The following AKAP13 variants were observed in gnomAD, a reference collection of about 807,000 sequenced individuals.
The protein encoded by AKAP13 is A-kinase anchor protein 13.
A neutral mutation model predicts 264.5 loss-of-function variants in AKAP13; 80 were observed. The ratio of observed to expected loss-of-function variants is 0.30; its 90% CI spans 0.25 to 0.36. The LOEUF is 0.36. Among genes scored for constraint, AKAP13 ranks in the 10% least tolerant of loss-of-function variants. The pLI is 1.00. For missense variants in AKAP13, 3,712 were observed against 3,435.2 expected (o/e 1.08, Z -2.01); for synonymous variants, 1,380 against 1,250.2 (o/e 1.10, Z -2.19).
At chr15:85,450,321 A>G (rs2074039987) in intron 1 of AKAP13, among the ~76,000 whole-genome samples, 1 of 150,900 alleles carries the variant, frequency 6.6e-6, no homozygotes, top group Non-Finnish European at 1.5e-5. Flanking sequence ...CTTCTTAATT[A>G]GTTTAGCGAT....
chr15:85,563,290 C>G (rs367697135), intron 5 of AKAP13, among the ~76,000 whole-genome samples: 1 of 139,728 alleles, frequency 7.2e-6, no homozygotes, highest in Non-Finnish European at 1.5e-5. Flanking sequence ...TCCAGCCTGT[C>G]GGAATCAATA....
intron 3 of AKAP13, among the ~76,000 whole-genome samples, chr15:85,525,022 G>A (rs1191062187): frequency 2.0e-5 from 3 of 151,544 alleles, no homozygotes; most frequent in Admixed American, 1.3e-4. Flanking sequence ...GGGCAGGTAC[G>A]TGGAGACTTT....
chr15:85,696,487 T>A (rs2085573044), intron 17 of AKAP13, among the ~76,000 whole-genome samples: 1 of 152,208 alleles, frequency 6.6e-6, no homozygotes, highest in Non-Finnish European at 1.5e-5. Flanking sequence ...GGAGTCATTT[T>A]AAATAAGAGC....
intron 2 of AKAP13, among the ~76,000 whole-genome samples, chr15:85,508,775 AGACT>A (rs2030621517): frequency 1.3e-5 from 2 of 152,270 alleles, no homozygotes; most frequent in South Asian, 4.1e-4. Context: ...TTGCTCCTCC[AGACT>A]GACCTTTGCT....
At position 85,477,636 on chromosome 15, in the gene AKAP13, G is replaced by GAAAAAAAAAAAAA. The variant is rs1567077572; in HGVS notation, c.-11-8074_-11-8073insAAAAAAAAAAAAA. On this transcript the variant is annotated intron_variant, in intron 1 of 36. Transcript: ENST00000394518. ...GAAATTTGAACTGAGCTTAAAAAAAGGAAAAAAAAAAAAAAAAAAAAAGGC... is the reference window on the plus strand; with the variant it reads ...GAAATTTGAACTGAGCTTAAAAAAAGAAAAAAAAAAAAAGAAAAAAAAAAAAAAAAAAAAAGGC... Among the ~76,000 whole-genome samples the GAAAAAAAAAAAAA allele has an allele frequency of 8.7e-5, 3 of 34,308 alleles. 1 individual carries two copies. The allele number at this position is 34,308 out of a possible 152,430, so 22.5% of individuals were successfully genotyped here. A position where few individuals can be genotyped will look rare whatever the true frequency, so the allele number is the denominator to read the frequency against.
At chr15:85,533,995 A>G in intron 4 of AKAP13, 115 bp downstream of exon 4, 1 of 1,153,324 alleles carries the variant, frequency 8.7e-7, no homozygotes, top group Non-Finnish European at 1.2e-6. Context: ...GAGGCTGCGT[A>G]AATCTTAGAA....
intron 1 of AKAP13, among the ~76,000 whole-genome samples, chr15:85,399,140 T>A (rs1406330541): frequency 6.6e-6 from 1 of 152,232 alleles, no homozygotes; most frequent in Non-Finnish European, 1.5e-5. Flanking sequence ...ATACTTCTAC[T>A]GGCAGAATAT....
chr15:85,502,099 C>T (rs1326782939), intron 2 of AKAP13, among the ~76,000 whole-genome samples: 2 of 152,266 alleles, frequency 1.3e-5, no homozygotes, highest in East Asian at 1.9e-4. Context: ...TTCTGATTTA[C>T]TAGGTTTGGG....
chr15:85,602,135 C>A (rs2080110304), intron 8 of AKAP13, among the ~76,000 whole-genome samples: 1 of 151,938 alleles, frequency 6.6e-6, no homozygotes, highest in African/African-American at 2.4e-5. Flanking sequence ...AATTGACAAA[C>A]AGTAGGTTCT....
intron 14 of AKAP13, 79 bp from the exon 15 acceptor site, chr15:85,682,079 A>T (rs2084632783): frequency 7.4e-7 from 1 of 1,344,604 alleles, no homozygotes; most frequent in Admixed American, 1.7e-5. Context: ...TAGCTGTGTC[A>T]TTGTGAATTT....
intron 8 of AKAP13, among the ~76,000 whole-genome samples, chr15:85,617,978 C>T (rs1001047599): frequency 6.6e-6 from 1 of 152,192 alleles, no homozygotes; most frequent in Non-Finnish European, 1.5e-5. Flanking sequence ...ACATCTGTTT[C>T]ACTGCACATG....
At position 85,580,944 on chromosome 15, in the gene AKAP13, A is replaced by G. The variant is rs147936299; in HGVS notation, c.2876A>G (p.Asp959Gly). Residue 959 changes from aspartate to glycine, a missense_variant, in exon 7 of 37, where the codon GAT becomes GGT. Asp to Gly is a moderately conservative substitution (Grantham distance 94). Transcript: ENST00000394518. ...CAGAGAACACCACCTCCTGGACAAG[A>G]TACTCAACAATTTCATGAAAAATCA... ...EEQRTPPPGQ[D>G]TQQFHEKSIS... 2 of 1,614,062 alleles carry G rather than the reference A, an allele frequency of 1.2e-6. No individual in the cohort carries two copies. The highest frequency in any genetic ancestry group is 1.7e-6 in the Non-Finnish European group (2 of 1,180,046).
chr15:85,423,621 G>A (rs1000069641), intron 1 of AKAP13, among the ~76,000 whole-genome samples: 1 of 152,116 alleles, frequency 6.6e-6, no homozygotes, highest in Admixed American at 6.5e-5. Context: ...ATCCATCAGG[G>A]CTGGAATCAG....
intron 5 of AKAP13, among the ~76,000 whole-genome samples, chr15:85,564,958 C>A (rs1231869673): frequency 1.3e-5 from 2 of 152,092 alleles, no homozygotes; most frequent in Non-Finnish European, 2.9e-5. Context: ...GAGACTGCTC[C>A]TGGAAGTGTG....
At chr15:85,599,358 G>C (rs729856) in intron 8 of AKAP13, among the ~76,000 whole-genome samples, 93,926 of 152,086 alleles carry the variant, frequency 0.62, 29,173 homozygotes, top group Middle Eastern at 0.72. Context: ...TCGAAAGACT[G>C]TGTTCTGTAG....
At chr15:85,562,165 T>C (rs919324316) in intron 5 of AKAP13, among the ~76,000 whole-genome samples, 1 of 152,216 alleles carries the variant, frequency 6.6e-6, no homozygotes, top group African/African-American at 2.4e-5. Context: ...CAATATCTGA[T>C]ACATTGTTAA....
chr15:85,571,676 T>A (rs2151291263), intron 5 of AKAP13, among the ~76,000 whole-genome samples: 1 of 152,384 alleles, frequency 6.6e-6, no homozygotes, highest in South Asian at 2.1e-4. Context: ...TTATCTTGAT[T>A]GCTGTTGTCT....
At chr15:85,487,167 A>T (rs1387941135) in intron 2 of AKAP13, among the ~76,000 whole-genome samples, 1 of 152,230 alleles carries the variant, frequency 6.6e-6, no homozygotes, top group Non-Finnish European at 1.5e-5. Context: ...CACAGTTTTT[A>T]AGTGGATGCC....
At chr15:85,619,936 G>T in intron 8 of AKAP13, 1 of 1,438,686 alleles carries the variant, frequency 7.0e-7, no homozygotes, top group Non-Finnish European at 9.1e-7. Flanking sequence ...CATTGTTTTT[G>T]ACCCCTTTGA....
Sources: allele counts gnomAD v4.1 joint callset (sites outside exome capture counted in the v4.1 genomes callset), GRCh38; gene constraint gnomAD v4.1.1; transcripts MANE v1.5; gene names NCBI Gene and HGNC (gene_info 2026-07-23, HGNC 2026-07-21).